The following CMTM7 variants were observed in gnomAD, a reference collection of about 807,000 sequenced individuals.
CMTM7 encodes CKLF like MARVEL transmembrane domain containing 7.
Under a neutral mutation model 19.3 loss-of-function variants are expected in CMTM7, and 7 were observed. The ratio of observed to expected loss-of-function variants is 0.36; its 90% CI spans 0.21 to 0.68. The LOEUF (loss-of-function observed/expected upper bound fraction) is 0.68, where lower values mean the gene tolerates loss of function less well. Ranked by LOEUF, CMTM7 falls within the 30% of genes least tolerant of loss-of-function variation. The pLI is 0.60. For synonymous variants in CMTM7, 87 were observed against 99.3 expected (o/e 0.88, Z 0.74); for missense variants, 193 against 232.6 (o/e 0.83, Z 1.11).
intron 1 of CMTM7, among the ~76,000 whole-genome samples, chr3:32,392,738 T>C (rs978795910): frequency 1.3e-5 from 2 of 152,076 alleles, no homozygotes; most frequent in Non-Finnish European, 2.9e-5. Context: ...CTGGTACTCA[T>C]GTAGGGGAGC....
intron 2 of CMTM7, among the ~76,000 whole-genome samples, chr3:32,442,216 G>A (rs1406664326): frequency 6.6e-6 from 1 of 152,102 alleles, no homozygotes; most frequent in Non-Finnish European, 1.5e-5. Flanking sequence ...CCAGCTACAA[G>A]AAGGCTGTGG....
chr3:32,394,025 C>T (rs551322140), intron 1 of CMTM7, among the ~76,000 whole-genome samples: 2 of 152,320 alleles, frequency 1.3e-5, no homozygotes, highest in Non-Finnish European at 2.9e-5. Context: ...ATGTGCTCCT[C>T]TTAAAACCAT....
intron 1 of CMTM7, among the ~76,000 whole-genome samples, chr3:32,438,382 C>G (rs553480162): frequency 6.6e-6 from 1 of 152,114 alleles, no homozygotes; most frequent in African/African-American, 2.4e-5. Flanking sequence ...TATTTTGTCA[C>G]CCAGGAATTA....
intron 1 of CMTM7, among the ~76,000 whole-genome samples, chr3:32,437,504 G>T (rs112396823): frequency 0.023 from 3,498 of 152,304 alleles, 54 homozygotes; most frequent in East Asian, 0.044. Context: ...AGCTGAGGCA[G>T]GAGAATCGCT....
At chr3:32,435,948 G>A (rs1237218033) in intron 1 of CMTM7, among the ~76,000 whole-genome samples, 1 of 152,176 alleles carries the variant, frequency 6.6e-6, no homozygotes, top group African/African-American at 2.4e-5. Flanking sequence ...CCAGAGGCAA[G>A]TGCTGTTACC....
At chr3:32,452,556 C>T in intron 4 of CMTM7, 83 bp downstream of exon 4, 1 of 1,392,396 alleles carries the variant, frequency 7.2e-7, no homozygotes, top group Non-Finnish European at 1.0e-6. Context: ...AGGGACAAAC[C>T]CTGCTGTTGA....
chr3:32,415,579 A>G (rs959989150), intron 1 of CMTM7, among the ~76,000 whole-genome samples: 3 of 152,214 alleles, frequency 2.0e-5, no homozygotes, highest in African/African-American at 4.8e-5. Flanking sequence ...TGCCTTCTCT[A>G]TGCCTCAGTT....
At chr3:32,441,399 C>A (rs1001239576) in intron 1 of CMTM7, among the ~76,000 whole-genome samples, 1 of 152,118 alleles carries the variant, frequency 6.6e-6, no homozygotes, top group Non-Finnish European at 1.5e-5. Context: ...TATGAATTAC[C>A]ATCTTTGTAG....
chr3:32,437,263 C>A (rs1017828469), intron 1 of CMTM7, among the ~76,000 whole-genome samples: 1 of 152,022 alleles, frequency 6.6e-6, no homozygotes, highest in Non-Finnish European at 1.5e-5. Flanking sequence ...TCTGTGGGAC[C>A]CTTGCTTTGA....
chr3:32,392,836 A>G (rs917388306), intron 1 of CMTM7, among the ~76,000 whole-genome samples: 5 of 152,198 alleles, frequency 3.3e-5, no homozygotes, highest in African/African-American at 1.2e-4. Flanking sequence ...AGGGCCTCCT[A>G]CCAGGGCAGA....
chr3:32,447,057 T>C (rs1696764275), intron 2 of CMTM7, among the ~76,000 whole-genome samples: 1 of 152,236 alleles, frequency 6.6e-6, no homozygotes, highest in Admixed American at 6.5e-5. Context: ...CATTTACAGC[T>C]ATAAATCTCC....
At chr3:32,431,443 A>G (rs902499331) in intron 1 of CMTM7, among the ~76,000 whole-genome samples, 1 of 152,092 alleles carries the variant, frequency 6.6e-6, no homozygotes, top group African/African-American at 2.4e-5. Context: ...GACATGAGCA[A>G]CATATCTAAT....
chr3:32,404,152 C>CTTTTTTTTTTTTT (rs869206404), intron 1 of CMTM7, among the ~76,000 whole-genome samples: 1 of 131,996 alleles, frequency 7.6e-6, no homozygotes. Flanking sequence ...CTTTTTTTTT[C>CTTTTTTTTTTTTT]TTTTTTTTTC....
chr3:32,394,200 C>T (rs1201690540), intron 1 of CMTM7, among the ~76,000 whole-genome samples: 1 of 152,168 alleles, frequency 6.6e-6, no homozygotes, highest in African/African-American at 2.4e-5. Context: ...TTTCCCACTT[C>T]TCCTCTTTTC....
intron 1 of CMTM7, among the ~76,000 whole-genome samples, chr3:32,424,600 T>C (rs183878659): frequency 1.3e-5 from 2 of 151,786 alleles, no homozygotes; most frequent in African/African-American, 2.4e-5. Context: ...TTAAGCCTCT[T>C]GCCCCCTCTC....
intron 1 of CMTM7, among the ~76,000 whole-genome samples, chr3:32,399,354 G>A (rs1559399672): frequency 6.9e-6 from 1 of 144,130 alleles, no homozygotes; most frequent in Non-Finnish European, 1.5e-5. Context: ...CTGGAATTTT[G>A]ACAGTGCAAT....
intron 1 of CMTM7, among the ~76,000 whole-genome samples, chr3:32,400,399 CTT>C (rs11425160): frequency 2.6e-5 from 3 of 116,560 alleles, no homozygotes. Flanking sequence ...TCTTCTTCTT[CTT>C]TTTTTTTTTT....
intron 2 of CMTM7, among the ~76,000 whole-genome samples, chr3:32,445,655 A>G (rs192298979): frequency 5.9e-5 from 9 of 151,754 alleles, no homozygotes; most frequent in Admixed American, 5.9e-4. Flanking sequence ...TGGGACCACA[A>G]GTGTGCACCA....
chr3:32,437,539 G>A (rs1166188271), intron 1 of CMTM7, among the ~76,000 whole-genome samples: 1 of 152,218 alleles, frequency 6.6e-6, no homozygotes, highest in African/African-American at 2.4e-5. Context: ...AGAGGTTGCA[G>A]TGAGTGGGGA....
Sources: allele counts gnomAD v4.1 joint callset (sites outside exome capture counted in the v4.1 genomes callset), GRCh38; gene constraint gnomAD v4.1.1; transcripts MANE v1.5; gene names NCBI Gene and HGNC (gene_info 2026-07-23, HGNC 2026-07-21).